SCAPER: variants seen among roughly 807,000 people sequenced by gnomAD.
The protein encoded by SCAPER is S phase cyclin A-associated protein in the endoplasmic reticulum.
SCAPER carries 98 observed loss-of-function variants against 182.2 expected under a neutral mutation model. That is an observed-to-expected ratio of 0.54 (90% CI 0.46 to 0.64). The LOEUF (loss-of-function observed/expected upper bound fraction) is 0.64, where lower values mean the gene tolerates loss of function less well. SCAPER is among the 30% of genes least tolerant of loss of function. The pLI is 0.00. For missense variants in SCAPER, 1,432 were observed against 1,690.0 expected (o/e 0.85, Z 2.68); for synonymous variants, 605 against 564.6 (o/e 1.07, Z -1.01).
intron 2 of SCAPER, among the ~76,000 whole-genome samples, chr15:76,869,569 G>A (rs184154758): frequency 3.5e-4 from 53 of 152,096 alleles, no homozygotes; most frequent in African/African-American, 1.1e-3. Context: ...ATCATCTCAC[G>A]CAGTTAAAAT....
chr15:76,646,368 A>G (rs932136159), intron 21 of SCAPER, among the ~76,000 whole-genome samples: 2 of 152,110 alleles, frequency 1.3e-5, no homozygotes. Flanking sequence ...TAGCCTAGTG[A>G]TTACCACTGG....
intron 20 of SCAPER, among the ~76,000 whole-genome samples, chr15:76,681,729 T>C (rs1268666856): frequency 6.6e-6 from 1 of 152,122 alleles, no homozygotes; most frequent in Non-Finnish European, 1.5e-5. Context: ...CCTGGAATCC[T>C]AGCAGCAGAA....
chr15:76,387,033 T>C (rs529838029), intron 27 of SCAPER, among the ~76,000 whole-genome samples: 102 of 152,270 alleles, frequency 6.7e-4, no homozygotes, highest in Non-Finnish European at 1.3e-3. Context: ...AAGTGAGAAA[T>C]AATGGTATAT....
At chr15:76,400,532 T>C (rs1179707823) in intron 27 of SCAPER, among the ~76,000 whole-genome samples, 1 of 152,074 alleles carries the variant, frequency 6.6e-6, no homozygotes, top group Non-Finnish European at 1.5e-5. Context: ...TCTGAGGAGG[T>C]AGAAAAAACT....
chr15:76,857,892 A>C lies in SCAPER; in HGVS notation c.125-13T>G. The C allele has an allele frequency of 1.3e-6, 2 of 1,523,156 alleles. No homozygotes were observed. The highest frequency in any genetic ancestry group is 4.9e-5 in the East Asian group (2 of 40,582). 94.4% of individuals were successfully genotyped at this position (1,523,156 alleles called of 1,614,324 possible). A position where few individuals can be genotyped will look rare whatever the true frequency, so the allele number is the denominator to read the frequency against. ...CATTTAGGTTTTCCTTCAAGGCAAG[A>C]AAAAAATAAATATGTAGATATACAG... On this transcript the variant is annotated splice_polypyrimidine_tract_variant and intron_variant, in intron 3 of 31. Transcript: ENST00000563290.
At chr15:76,828,545 A>T (rs184182405) in intron 5 of SCAPER, among the ~76,000 whole-genome samples, 1 of 152,332 alleles carries the variant, frequency 6.6e-6, no homozygotes, top group East Asian at 1.9e-4. Context: ...AACACTCATA[A>T]AACAATGCTT....
intron 3 of SCAPER, among the ~76,000 whole-genome samples, chr15:76,860,007 C>T (rs975531672): frequency 1.3e-5 from 2 of 152,132 alleles, no homozygotes; most frequent in Non-Finnish European, 2.9e-5. Context: ...TGAGCCACTG[C>T]GCCCAGCCTG....
chr15:76,664,335 T>C (rs899869162), intron 21 of SCAPER, among the ~76,000 whole-genome samples: 2 of 152,190 alleles, frequency 1.3e-5, no homozygotes, highest in African/African-American at 4.8e-5. Context: ...TCTGAATATA[T>C]TTTTAAAGCA....
intron 17 of SCAPER, among the ~76,000 whole-genome samples, chr15:76,708,006 T>C (rs573677968): frequency 6.6e-6 from 1 of 152,188 alleles, no homozygotes; most frequent in South Asian, 2.1e-4. Context: ...ATGAATCAAA[T>C]AAGAACTATT....
At chr15:76,387,805 A>C (rs559353621) in intron 27 of SCAPER, among the ~76,000 whole-genome samples, 1 of 152,216 alleles carries the variant, frequency 6.6e-6, no homozygotes, top group African/African-American at 2.4e-5. Context: ...CTTAAGTCTT[A>C]TTTTTAGATC....
At chr15:76,662,704 C>A (rs1360799821) in intron 21 of SCAPER, among the ~76,000 whole-genome samples, 1 of 151,848 alleles carries the variant, frequency 6.6e-6, no homozygotes, top group African/African-American at 2.4e-5. Context: ...AATCAAGGTG[C>A]TAAGCCATAT....
At chr15:76,621,970 A>G (rs912627675) in intron 21 of SCAPER, 141 bp from the exon 22 acceptor site, 9 of 592,626 alleles carry the variant, frequency 1.5e-5, no homozygotes, top group Non-Finnish European at 2.7e-5. Flanking sequence ...CTACCTATGT[A>G]CCTCAAGAGT....
chr15:76,746,153 A>C (rs2061781628), intron 15 of SCAPER, among the ~76,000 whole-genome samples: 1 of 152,264 alleles, frequency 6.6e-6, no homozygotes, highest in Non-Finnish European at 1.5e-5. Flanking sequence ...ATATCCCTTC[A>C]TAATAAAAAT....
intron 21 of SCAPER, among the ~76,000 whole-genome samples, chr15:76,633,630 C>T (rs2053342805): frequency 6.6e-6 from 1 of 152,210 alleles, no homozygotes; most frequent in South Asian, 2.1e-4. Flanking sequence ...GGGGATGCTG[C>T]AATTCCCACA....
At chr15:76,772,259 C>T (rs529413278) in intron 9 of SCAPER, among the ~76,000 whole-genome samples, 4 of 151,996 alleles carry the variant, frequency 2.6e-5, no homozygotes, top group African/African-American at 4.8e-5. Context: ...ATTTTGTATC[C>T]TTCGCAAATG....
rs559980690 is a variant in SCAPER, at chr15:76,453,175, G to T, written c.3078+18037C>A. ...CTGAACCTTGTGAGGATACTCACAT[G>T]ATGCCCCATCACCACTAAATACTTT... On this transcript the variant is annotated intron_variant, in intron 25 of 31. Coordinates refer to ENST00000563290, the MANE Select transcript of SCAPER (RefSeq NM_020843.4). 4.6e-5 allele frequency among the ~76,000 whole-genome samples: 7 copies of T among 152,288 alleles called. No homozygotes were observed. In the South Asian group the frequency reaches 1.4e-3, roughly 32 times the overall value.
At chr15:76,855,457 C>CAAAAAAAAA (rs34226154) in intron 4 of SCAPER, among the ~76,000 whole-genome samples, 15 of 116,296 alleles carry the variant, frequency 1.3e-4, no homozygotes, top group East Asian at 5.3e-4. Flanking sequence ...TTCTGCACAG[C>CAAAAAAAAA]AAAAAAAAAA....
intron 25 of SCAPER, among the ~76,000 whole-genome samples, chr15:76,446,523 C>CT (rs2048011920): frequency 1.3e-5 from 2 of 152,162 alleles, no homozygotes; most frequent in South Asian, 4.1e-4. Flanking sequence ...ATACAAGTAT[C>CT]TATTATTTTC....
intron 20 of SCAPER, among the ~76,000 whole-genome samples, chr15:76,683,220 G>C (rs1443661511): frequency 6.6e-6 from 1 of 152,030 alleles, no homozygotes; most frequent in African/African-American, 2.4e-5. Context: ...AAATTGATCT[G>C]ATAGAGCTGA....
Sources: gnomAD v4.1 joint callset for allele counts (sites outside exome capture counted in the v4.1 genomes callset) on GRCh38, gnomAD v4.1.1 for gene constraint, MANE v1.5 for transcripts, NCBI Gene and HGNC (gene_info 2026-07-23, HGNC 2026-07-21) for gene names.